Variants in SRGAP3 observed in about 807,000 individuals in gnomAD.
SRGAP3 encodes SLIT-ROBO Rho GTPase-activating protein 3.
Under a neutral mutation model 121.1 loss-of-function variants are expected in SRGAP3, and 39 were observed. That is an observed-to-expected ratio of 0.32 (90% CI 0.25 to 0.42). SRGAP3 has a LOEUF of 0.42. SRGAP3 is among the 10% of genes least tolerant of loss of function. The pLI is 1.00. For synonymous variants in SRGAP3, 601 were observed against 570.0 expected (o/e 1.05, Z -0.77); for missense variants, 1,213 against 1,470.6 (o/e 0.82, Z 2.86).
At chr3:9,072,618 G>T (rs1303825243) in intron 4 of SRGAP3, among the ~76,000 whole-genome samples, 2 of 152,210 alleles carry the variant, frequency 1.3e-5, no homozygotes, top group African/African-American at 2.4e-5. Flanking sequence ...CCCTTCCAGG[G>T]CACAGTGGCA....
intron 5 of SRGAP3, among the ~76,000 whole-genome samples, chr3:9,061,460 T>C (rs1452080501): frequency 1.3e-5 from 2 of 152,112 alleles, no homozygotes; most frequent in Non-Finnish European, 2.9e-5. Context: ...TGGCCCAAGG[T>C]CTCAAGGCCA....
At chr3:9,321,793 A>G (rs1459855503) in intron 3 of SRGAP3, among the ~76,000 whole-genome samples, 1 of 151,604 alleles carries the variant, frequency 6.6e-6, no homozygotes, top group East Asian at 1.9e-4. Flanking sequence ...AGAGGGGAAT[A>G]ATACCCACTG....
intron 9 of SRGAP3, among the ~76,000 whole-genome samples, chr3:9,048,728 G>A (rs1945409310): frequency 6.6e-6 from 1 of 152,218 alleles, no homozygotes; most frequent in African/African-American, 2.4e-5. Flanking sequence ...GGAGGCCAAG[G>A]TGAGAGAATC....
At chr3:9,073,739 AT>A (rs1196296968) in intron 4 of SRGAP3, among the ~76,000 whole-genome samples, 11 of 152,242 alleles carry the variant, frequency 7.2e-5, no homozygotes, top group Non-Finnish European at 1.3e-4. Flanking sequence ...GGCTCTAGTT[AT>A]TCTTGAGATG....
intron 3 of SRGAP3, among the ~76,000 whole-genome samples, chr3:9,088,106 C>T (rs1420847539): frequency 6.6e-6 from 1 of 152,124 alleles, no homozygotes; most frequent in Non-Finnish European, 1.5e-5. Context: ...AACAGGAAAC[C>T]CAAACCCTGT....
In SRGAP3 at chr3:8,985,645, C is replaced by A; in HGVS notation, c.3174G>T (p.Arg1058=). 6.3e-7 allele frequency: 1 copy of A among 1,595,310 alleles called. No homozygotes were observed. The highest frequency in any genetic ancestry group is 8.5e-7 in the Non-Finnish European group (1 of 1,177,796). The change falls in exon 22 of 22, where the codon CGG becomes CGT. Residue 1058 remains arginine (R), a synonymous_variant. Transcript: ENST00000383836. The surrounding 1 kb of genome is among the most constrained non-coding windows in gnomAD (Gnocchi z 5.1). ...AGAQLRPPPM[R]PVRPVVQHRS... ...GGTGCTGGACCACCGGCCGCACGGG[C>A]CGCATGGGGGGCGGGCGGAGCTGGG... is the stretch of plus-strand genomic sequence containing the variant.
chr3:9,052,728 A>G (rs998570421), intron 9 of SRGAP3, among the ~76,000 whole-genome samples: 2 of 152,028 alleles, frequency 1.3e-5, no homozygotes, highest in Non-Finnish European at 2.9e-5. Flanking sequence ...CTTGTACCTG[A>G]CTCTGTCAGC....
chr3:9,181,714 G>GA (rs1455721657), intron 1 of SRGAP3, among the ~76,000 whole-genome samples: 3 of 152,190 alleles, frequency 2.0e-5, no homozygotes, highest in African/African-American at 7.2e-5. Context: ...GCTCCAGCCA[G>GA]AGAAAGTTAT....
At chr3:9,334,783 T>A (rs775526384) in intron 1 of SRGAP3, among the ~76,000 whole-genome samples, 3 of 152,184 alleles carry the variant, frequency 2.0e-5, no homozygotes, top group Non-Finnish European at 4.4e-5. Context: ...AGTGATAGGA[T>A]GAGAAATCGT....
chr3:9,221,016 G>A (rs1052312007), intron 1 of SRGAP3, among the ~76,000 whole-genome samples: 23 of 152,298 alleles, frequency 1.5e-4, no homozygotes, highest in African/African-American at 5.3e-4. Context: ...CCCAGTGCCT[G>A]AGTCTTATTC....
chr3:9,224,924 C>T (rs944432945), intron 1 of SRGAP3, among the ~76,000 whole-genome samples: 1 of 152,086 alleles, frequency 6.6e-6, no homozygotes, highest in Non-Finnish European at 1.5e-5. Context: ...AGTCAAACAG[C>T]GTGGAAGTCT....
chr3:9,045,190 TTAAAAA>T (rs1301162483), intron 10 of SRGAP3, among the ~76,000 whole-genome samples: 4 of 144,808 alleles, frequency 2.8e-5, no homozygotes, highest in African/African-American at 1.0e-4. Flanking sequence ...AAAGTTTACT[TTAAAAA>T]AAAAAAAAAA....
chr3:9,077,561 T>A (rs1202844466), intron 4 of SRGAP3, among the ~76,000 whole-genome samples: 1 of 152,174 alleles, frequency 6.6e-6, no homozygotes, highest in Non-Finnish European at 1.5e-5. Context: ...CCCTTCTTCC[T>A]CCACTAGCTT....
At chr3:9,037,788 G>A (rs984052761) in intron 11 of SRGAP3, 9 of 554,922 alleles carry the variant, frequency 1.6e-5, no homozygotes, top group East Asian at 6.1e-5. Flanking sequence ...TGTCTCACCC[G>A]ATGGCCAGCG....
At chr3:9,028,251 C>T in intron 12 of SRGAP3, 1 of 1,359,608 alleles carries the variant, frequency 7.4e-7, no homozygotes, top group Non-Finnish European at 1.0e-6. Context: ...CAATGGCAGC[C>T]AGCCAAGGTC....
intron 3 of SRGAP3, among the ~76,000 whole-genome samples, chr3:9,299,067 A>AG (rs537426524): frequency 0.017 from 2,511 of 148,432 alleles, 45 homozygotes; most frequent in South Asian, 0.081. Context: ...AAAAAAAAAA[A>AG]AAAGAAAATA....
intron 14 of SRGAP3, among the ~76,000 whole-genome samples, chr3:9,021,170 C>G (rs1437066650): frequency 6.6e-6 from 1 of 152,246 alleles, no homozygotes; most frequent in Non-Finnish European, 1.5e-5. Flanking sequence ...AGGGGCAGAT[C>G]CAGAGTCAAG....
At chr3:9,104,382 C>T (rs1046080231) in intron 3 of SRGAP3, among the ~76,000 whole-genome samples, 7 of 152,162 alleles carry the variant, frequency 4.6e-5, no homozygotes, top group African/African-American at 9.7e-5. Flanking sequence ...GTGTGCTCAT[C>T]GTCATTCTTT....
intron 1 of SRGAP3, among the ~76,000 whole-genome samples, chr3:9,188,404 G>A (rs1560377813): frequency 6.6e-6 from 1 of 152,220 alleles, no homozygotes; most frequent in Non-Finnish European, 1.5e-5. Flanking sequence ...TAGACCTAGA[G>A]AGAAGGGCAT....
Sources: allele counts gnomAD v4.1 joint callset (sites outside exome capture counted in the v4.1 genomes callset), GRCh38; gene constraint gnomAD v4.1.1; non-coding constraint Gnocchi (gnomAD v3.1); transcripts MANE v1.5; gene names NCBI Gene and HGNC (gene_info 2026-07-23, HGNC 2026-07-21).